Variants in KANK1 observed in about 807,000 individuals in gnomAD.
KANK1 encodes KN motif and ankyrin repeat domains 1.
Under a neutral mutation model 106.2 loss-of-function variants are expected in KANK1, and 109 were observed. That is an observed-to-expected ratio of 1.03 (90% CI 0.88 to 1.20). The LOEUF is 1.20. Ranked by LOEUF, KANK1 falls within the 50% of genes most tolerant of loss-of-function variation. The probability of loss-of-function intolerance (pLI) is 0.00; values close to 1 mark genes in which losing one functional copy is unlikely to be tolerated. For missense variants in KANK1, 2,399 were observed against 1,710.7 expected, an observed-to-expected ratio of 1.40 and a Z score of -7.10; for synonymous variants, 873 against 652.2, an observed-to-expected ratio of 1.34 and a Z score of -5.16.
chr9:572,722 T>G (rs1366622782), intron 1 of KANK1, among the ~76,000 whole-genome samples: 1 of 152,080 alleles, frequency 6.6e-6, no homozygotes, highest in Non-Finnish European at 1.5e-5. Context: ...GAAGGACATG[T>G]GTGTTAAGCA....
chr9:505,160 G>T (rs1424237941), intron 1 of KANK1, among the ~76,000 whole-genome samples: 2 of 152,126 alleles, frequency 1.3e-5, no homozygotes, highest in African/African-American at 4.8e-5. Flanking sequence ...GGATGCCTCT[G>T]GGCCCTTCCC....
intron 1 of KANK1, among the ~76,000 whole-genome samples, chr9:671,776 C>T (rs1240476601): frequency 6.6e-6 from 1 of 151,712 alleles, no homozygotes; most frequent in Non-Finnish European, 1.5e-5. Context: ...GGTGAAACCC[C>T]ATCTCTACTA....
At chr9:740,698 G>GC in intron 8 of KANK1, 94 bp from the exon 9 acceptor site, 1 of 1,327,800 alleles carries the variant, frequency 7.5e-7, no homozygotes, top group Non-Finnish European at 1.0e-6. Context: ...ATTTCACTGG[G>GC]CTCCTGTAAA....
intron 3 of KANK1, among the ~76,000 whole-genome samples, chr9:484,673 A>T (rs2058261174): frequency 6.6e-6 from 1 of 152,166 alleles, no homozygotes. Flanking sequence ...AAAGGTAGAT[A>T]ATTTGTTCCT....
intron 1 of KANK1, among the ~76,000 whole-genome samples, chr9:521,565 C>CT (rs35143391): frequency 0.073 from 8,609 of 118,734 alleles, 423 homozygotes; most frequent in Non-Finnish European, 0.1. Flanking sequence ...CCTCCAGATT[C>CT]TTTTTTTTTT....
rs1834362539 is a variant in KANK1 at position 738,363 on chromosome 9, G to A, written c.3412G>A (p.Asp1138Asn). 6.2e-7 allele frequency: 1 copy of A among 1,614,006 alleles called. No individual in the cohort carries two copies. The highest frequency in any genetic ancestry group is 8.5e-7 in the Non-Finnish European group (1 of 1,180,036). ...QKSAIPAMVG[D>N]YIAAFEAISP... ...GTCAGCCATTCCAGCCATGGTGGGG[G>A]ACTACATAGCTGCTTTTGAGGCCAT... is the stretch of plus-strand genomic sequence containing the variant. The change falls in exon 8 of 12, where the codon GAC (aspartate) becomes AAC (asparagine). Residue 1138 changes from aspartate (D) to asparagine (N), a missense_variant. Transcript: ENST00000382297.
At chr9:520,526 G>A (rs1209584667) in intron 1 of KANK1, among the ~76,000 whole-genome samples, 2 of 151,660 alleles carry the variant, frequency 1.3e-5, no homozygotes, top group East Asian at 3.9e-4. Flanking sequence ...ACGTGACAAT[G>A]GGGGATATAA....
Position 699,577 on chromosome 9 carries a change from AGTTAGGAAGG to A in KANK1, c.38-11219_38-11210del, listed in dbSNP as rs1292985520. ...AGATTTGTGGGGAGAAGCCAAAAGG[AGTTAGGAAGG>A]GTTAGGAGTACACGAAGCAAGACCA... On this transcript the variant is annotated intron_variant, in intron 2 of 11. Coordinates refer to ENST00000382297, the MANE Select transcript of KANK1 (RefSeq NM_015158.5). Among the ~76,000 whole-genome samples, 3 of 152,158 alleles carry A rather than the reference AGTTAGGAAGG, an allele frequency of 2.0e-5. No homozygotes were observed. In the East Asian group the frequency reaches 5.8e-4, roughly 29 times the overall value.
intron 1 of KANK1, among the ~76,000 whole-genome samples, chr9:571,260 C>T (rs909184073): frequency 6.6e-6 from 1 of 152,158 alleles, no homozygotes; most frequent in African/African-American, 2.4e-5. Context: ...ATACTCGATA[C>T]AGTTATGTAT....
intron 1 of KANK1, among the ~76,000 whole-genome samples, chr9:517,738 CTTTTT>C (rs34749352): frequency 2.7e-5 from 3 of 111,068 alleles, no homozygotes; most frequent in Non-Finnish European, 3.8e-5. Flanking sequence ...CTTGAGGATT[CTTTTT>C]TTTTTTTTTT....
At chr9:516,998 T>A (rs1247309390) in intron 1 of KANK1, among the ~76,000 whole-genome samples, 1 of 145,478 alleles carries the variant, frequency 6.9e-6, no homozygotes, top group Non-Finnish European at 1.5e-5. Flanking sequence ...CATCACCCTC[T>A]ACACACACAC....
At chr9:611,366 T>C (rs1830509209) in intron 1 of KANK1, among the ~76,000 whole-genome samples, 1 of 152,194 alleles carries the variant, frequency 6.6e-6, no homozygotes, top group Non-Finnish European at 1.5e-5. Context: ...TGACTACACT[T>C]ATCTCCAGGA....
chr9:493,028 CAA>C lies in KANK1; in HGVS notation c.-362+19771_-362+19772del, dbSNP rs112780058. On this transcript the variant is annotated intron_variant, in intron 3 of 15. Coordinates refer to the KANK1 transcript ENST00000382303. ...GGTCAACAAGAACAAAACTCCGTCT[CAA>C]AAAAAAAAAAAAAAAGAAAAGAAAA... is the stretch of plus-strand genomic sequence containing the variant. Among the ~76,000 whole-genome samples the C allele has an allele frequency of 1.5e-3, 143 of 98,522 alleles. 1 individual carries two copies. Among genetic ancestry groups the C allele is most frequent in the African/African-American group, 3.6e-3 (119 of 33,118 alleles). 64.6% of individuals were successfully genotyped at this position (98,522 alleles called of 152,430 possible).
At chr9:558,742 A>T (rs996698666) in intron 1 of KANK1, 3 of 152,050 alleles carry the variant, frequency 2.0e-5, no homozygotes, top group Non-Finnish European at 4.4e-5. Flanking sequence ...TGTTAATAGT[A>T]TAAGGGCTAG....
At chr9:632,736 C>T (rs1836048841) in intron 1 of KANK1, among the ~76,000 whole-genome samples, 1 of 152,186 alleles carries the variant, frequency 6.6e-6, no homozygotes, top group African/African-American at 2.4e-5. Context: ...GTTGCCCAGG[C>T]TGTAGTGCAG....
intron 3 of KANK1, among the ~76,000 whole-genome samples, chr9:724,384 T>C (rs1016546325): frequency 3.9e-5 from 6 of 152,218 alleles, no homozygotes; most frequent in Non-Finnish European, 8.8e-5. Flanking sequence ...TAAACTATTA[T>C]CTACTTTTGT....
chr9:530,272 T>C (rs959844015), intron 1 of KANK1, among the ~76,000 whole-genome samples: 2 of 152,218 alleles, frequency 1.3e-5, no homozygotes, highest in African/African-American at 4.8e-5. Context: ...GGATTTAATA[T>C]CATGAAGAGA....
intron 1 of KANK1, among the ~76,000 whole-genome samples, chr9:594,467 C>A (rs1282118148): frequency 6.6e-6 from 1 of 151,784 alleles, no homozygotes; most frequent in Non-Finnish European, 1.5e-5. Flanking sequence ...GTTATGATTT[C>A]TTTTTGACTT....
At chr9:734,639 C>T in intron 6 of KANK1, 109 bp from the exon 7 acceptor site, 1 of 705,468 alleles carries the variant, frequency 1.4e-6, no homozygotes, top group Non-Finnish European at 2.4e-6. Context: ...GCACTCCAGC[C>T]TGGGCGACAG....
Sources: gnomAD v4.1 joint callset for allele counts (sites outside exome capture counted in the v4.1 genomes callset) on GRCh38, gnomAD v4.1.1 for gene constraint, MANE v1.5 for transcripts, NCBI Gene and HGNC (gene_info 2026-07-23, HGNC 2026-07-21) for gene names.